Variants in PCDHGB2 observed in about 807,000 individuals in gnomAD.
The protein encoded by PCDHGB2 is protocadherin gamma-B2.
A neutral mutation model predicts 59.3 loss-of-function variants in PCDHGB2; 55 were observed. That is an observed-to-expected ratio of 0.93 (90% CI 0.75 to 1.16). PCDHGB2 has a LOEUF of 1.16. Ranked by LOEUF, PCDHGB2 falls within the 50% of genes most tolerant of loss-of-function variation. The pLI, the probability that PCDHGB2 is intolerant of heterozygous loss-of-function variation, is 0.00. For missense variants in PCDHGB2, 1,228 were observed against 1,198.5 expected (o/e 1.02, Z -0.36); for synonymous variants, 516 against 512.0 (o/e 1.01, Z -0.11).
At chr5:141,393,097 T>C in intron 1 of PCDHGB2, 1 of 1,613,608 alleles carries the variant, frequency 6.2e-7, no homozygotes, top group South Asian at 1.1e-5. Context: ...CGGGAGGAGC[T>C]CTGCGCTCAG....
At chr5:141,464,657 T>G (rs575409062) in intron 1 of PCDHGB2, among the ~76,000 whole-genome samples, 1 of 152,312 alleles carries the variant, frequency 6.6e-6, no homozygotes, top group South Asian at 2.1e-4. Context: ...GGTAAAAAGA[T>G]ATCTCCAAAT....
chr5:141,388,779 A>C lies in PCDHGB2; in HGVS notation c.2421+26223A>C, dbSNP rs2091486135. The C allele has an allele frequency of 4.3e-6, 7 of 1,613,974 alleles. No individual in the cohort carries two copies. In the East Asian group the frequency reaches 1.6e-4, roughly 36 times the overall value. On this transcript the variant is annotated intron_variant, in intron 1 of 3. Coordinates refer to ENST00000522605, the MANE Select transcript of PCDHGB2 (RefSeq NM_018923.3). ...TGACCTGAACTCTAACACCGGGGAAATTACTGTTTTAAATACATTAGATTT... is the reference window on the plus strand; with the variant it reads ...TGACCTGAACTCTAACACCGGGGAACTTACTGTTTTAAATACATTAGATTT...
In PCDHGB2 at chr5:141,477,244, G is replaced by T. The variant is rs367944211; in HGVS notation, c.2422-17563G>T. On this transcript the variant is annotated intron_variant, in intron 1 of 3. Coordinates refer to ENST00000522605, the MANE Select transcript of PCDHGB2 (RefSeq NM_018923.3). The surrounding 1 kb of genome is among the most constrained non-coding windows in gnomAD (Gnocchi z 4.9). ...GGACTGTCATCGCTTTGCTCAGTGT[G>T]ACTGACCTGGATGCTGGCGAGAACG... 9 of 1,614,190 alleles carry T rather than the reference G, an allele frequency of 5.6e-6. No homozygotes were observed. Among genetic ancestry groups the T allele is most frequent in the Non-Finnish European group, 7.6e-6 (9 of 1,180,052 alleles).
At chr5:141,478,443 C>T (rs2099456258) in intron 1 of PCDHGB2, 3 of 1,613,494 alleles carry the variant, frequency 1.9e-6, no homozygotes, top group Admixed American at 1.7e-5. Flanking sequence ...CTGAAGAAAC[C>T]TGGTGCAGCC....
At chr5:141,407,590 T>C (rs186034148) in intron 1 of PCDHGB2, among the ~76,000 whole-genome samples, 64 of 152,240 alleles carry the variant, frequency 4.2e-4, no homozygotes, top group Non-Finnish European at 7.1e-4. Context: ...CCTTAATGTC[T>C]CATCTTAAAA....
At chr5:141,366,801 C>T (rs1185271007) in intron 1 of PCDHGB2, 2 of 1,564,024 alleles carry the variant, frequency 1.3e-6, no homozygotes, top group African/African-American at 1.4e-5. Context: ...CATTTGTTTC[C>T]TTTTTCATGT....
Position 141,432,691 on chromosome 5 carries a change from G to T in PCDHGB2, c.2422-62116G>T. 1 of 1,613,942 alleles carries T rather than the reference G, an allele frequency of 6.2e-7. No individual in the cohort carries two copies. The highest frequency in any genetic ancestry group is 1.1e-5 in the South Asian group (1 of 91,068). On this transcript the variant is annotated intron_variant, in intron 1 of 3. Coordinates refer to ENST00000522605, the MANE Select transcript of PCDHGB2 (RefSeq NM_018923.3). This position sits in a 1 kb window ranked among gnomAD's most constrained non-coding sequence, Gnocchi z 6.0. ...ACGCGCTCAAGCAGAGCCTCGTAGT[G>T]GCCGTCCAGGACCACGGCCAGCCCC... is the stretch of plus-strand genomic sequence containing the variant.
At chr5:141,420,483 T>C in intron 1 of PCDHGB2, 2 of 581,364 alleles carry the variant, frequency 3.4e-6, no homozygotes, top group Non-Finnish European at 5.2e-6. Context: ...GCAAACTACA[T>C]GGGTAATCTC....
rs2154586748 is a variant in PCDHGB2 at position 141,491,733 on chromosome 5, T to A, written c.2422-3074T>A. The A allele has an allele frequency of 6.2e-7, 1 of 1,602,698 alleles. No individual in the cohort carries two copies. Among genetic ancestry groups the A allele is most frequent in the Non-Finnish European group, 8.5e-7 (1 of 1,175,258 alleles). On this transcript the variant is annotated intron_variant, in intron 1 of 3. Transcript: ENST00000522605. The surrounding 1 kb of genome is among the most constrained non-coding windows in gnomAD (Gnocchi z 6.9). ...GCTCGGCGCCGCCCCGGGCGACCCC[T>A]GGGGGCGGCACTGGAGAAGCCGCCC...
At chr5:141,403,652 G>C in intron 1 of PCDHGB2, 1 of 1,613,908 alleles carries the variant, frequency 6.2e-7, no homozygotes, top group South Asian at 1.1e-5. Context: ...GACAGTGTTG[G>C]ATACAAATGA....
chr5:141,404,348 G>T lies in PCDHGB2; in HGVS notation c.2421+41792G>T, dbSNP rs370966293. 60 of 1,613,640 alleles carry T rather than the reference G, an allele frequency of 3.7e-5. No individual in the cohort carries two copies. The highest frequency in any genetic ancestry group is 4.9e-5 in the Non-Finnish European group (58 of 1,179,784). ...CTCAGTCTACCTCCCGGAAAACAAC[G>T]CCAGAGGTACTTCCATCTTCTCCGT... On this transcript the variant is annotated intron_variant, in intron 1 of 3. Coordinates refer to ENST00000522605, the MANE Select transcript of PCDHGB2 (RefSeq NM_018923.3).
intron 1 of PCDHGB2, chr5:141,377,726 A>T (rs1774299499): frequency 6.6e-6 from 1 of 152,240 alleles, no homozygotes; most frequent in Non-Finnish European, 1.5e-5. Context: ...TTGAAAAGAT[A>T]AGAATCATTG....
intron 1 of PCDHGB2, among the ~76,000 whole-genome samples, chr5:141,433,408 A>ATCTATCTATCTATCT (rs1413347413): frequency 7.9e-6 from 1 of 127,280 alleles, no homozygotes; most frequent in African/African-American, 2.9e-5. Flanking sequence ...TCTATCTATT[A>ATCTATCTATCTATCT]CTTTCTTGTA....
chr5:141,423,864 G>A (rs180692491), intron 1 of PCDHGB2: 551 of 1,284,224 alleles, frequency 4.3e-4, no homozygotes, highest in Non-Finnish European at 5.0e-4. Context: ...TTTTGTGAAA[G>A]TCATTTTTCA....
chr5:141,445,991 T>C (rs532620580), intron 1 of PCDHGB2, among the ~76,000 whole-genome samples: 147 of 152,168 alleles, frequency 9.7e-4, no homozygotes, highest in Admixed American at 3.4e-3. Context: ...TAAATAGAAA[T>C]AGGAAGATAA....
chr5:141,443,999 T>C (rs2098413024), intron 1 of PCDHGB2, among the ~76,000 whole-genome samples: 1 of 152,136 alleles, frequency 6.6e-6, no homozygotes, highest in Non-Finnish European at 1.5e-5. Context: ...TTTTAAATGC[T>C]ACCTGGGTAT....
chr5:141,404,681 C>T, intron 1 of PCDHGB2: 1 of 1,614,092 alleles, frequency 6.2e-7, no homozygotes, highest in Non-Finnish European at 8.5e-7. Context: ...TGGTGTGGAG[C>T]TGGCACCCCG....
At chr5:141,458,075 A>G (rs1301404730) in intron 1 of PCDHGB2, among the ~76,000 whole-genome samples, 2 of 152,234 alleles carry the variant, frequency 1.3e-5, no homozygotes, top group Non-Finnish European at 2.9e-5. Flanking sequence ...GAACAACTAT[A>G]TTGCCGTAAG....
At chr5:141,387,282 A>C (rs578102496) in intron 1 of PCDHGB2, among the ~76,000 whole-genome samples, 59 of 152,340 alleles carry the variant, frequency 3.9e-4, no homozygotes, top group Admixed American at 2.0e-3. Context: ...CAATGAAAGA[A>C]AGATAAAATG....
Sources: allele counts gnomAD v4.1 joint callset (sites outside exome capture counted in the v4.1 genomes callset), GRCh38; gene constraint gnomAD v4.1.1; non-coding constraint Gnocchi (gnomAD v3.1); transcripts MANE v1.5; gene names NCBI Gene and HGNC (gene_info 2026-07-23, HGNC 2026-07-21).